Variants in SYMPK observed in about 807,000 individuals in gnomAD.
The protein encoded by SYMPK is symplekin.
In SYMPK, 49 loss-of-function variants were observed where a neutral mutation model predicts 136.4. That is an observed-to-expected ratio of 0.36 (90% CI 0.29 to 0.46). The LOEUF (loss-of-function observed/expected upper bound fraction) is 0.46, where lower values mean the gene tolerates loss of function less well. SYMPK is among the 20% of genes least tolerant of loss of function. The probability of loss-of-function intolerance (pLI) is 1.00; values close to 1 mark genes in which losing one functional copy is unlikely to be tolerated. For missense variants in SYMPK, 1,365 were observed against 1,690.0 expected (o/e 0.81, Z 3.37); for synonymous variants, 766 against 713.0 (o/e 1.07, Z -1.19).
At chr19:45,843,501 A>T (rs1316615492) in intron 8 of SYMPK, among the ~76,000 whole-genome samples, 1 of 152,134 alleles carries the variant, frequency 6.6e-6, no homozygotes, top group Non-Finnish European at 1.5e-5. Context: ...ACATCATGTC[A>T]TTTCACCCCC....
At chr19:45,839,969 A>G (rs1243695504) in intron 9 of SYMPK, among the ~76,000 whole-genome samples, 1 of 152,232 alleles carries the variant, frequency 6.6e-6, no homozygotes, top group East Asian at 1.9e-4. Flanking sequence ...TTGACACTAG[A>G]GAAAGCTGGT....
At chr19:45,831,154 T>C (rs1364240298) in intron 12 of SYMPK, 1 of 379,064 alleles carries the variant, frequency 2.6e-6, no homozygotes, top group Non-Finnish European at 4.6e-6. Flanking sequence ...ATCCTAATTT[T>C]AGACATAAAA....
Position 45,815,841 on chromosome 19 carries a change from C to T in SYMPK, c.3687+10G>A, listed in dbSNP as rs371699978. On this transcript the variant is annotated intron_variant, in intron 26 of 26. Coordinates refer to ENST00000245934, the MANE Select transcript of SYMPK (RefSeq NM_004819.3). ...GCTTCTTCCTTCGCAGCGGAGGCTG[C>T]TCTCCCTACCTTGGGTAGGGGGCCC... is the stretch of plus-strand genomic sequence containing the variant. The T allele has an allele frequency of 9.9e-5, 159 of 1,610,698 alleles. No homozygotes were observed. In the African/African-American group the frequency reaches 1.9e-3, roughly 19 times the overall value.
intron 26 of SYMPK, 68 bp downstream of exon 26, chr19:45,815,783 C>T: frequency 6.3e-7 from 1 of 1,587,950 alleles, no homozygotes; most frequent in Non-Finnish European, 8.6e-7. Context: ...CTGATGGCCC[C>T]TCCTCCCCCA....
In SYMPK at chr19:45,848,971, T is replaced by C. The variant is rs1348211252; in HGVS notation, c.300-95A>G. The C allele has an allele frequency of 2.0e-6, 3 of 1,470,862 alleles. No individual in the cohort carries two copies. The East Asian group carries it at 6.8e-5, about 33-fold the overall frequency. The allele number at this position is 1,470,862 out of a possible 1,614,324, so 91.1% of individuals were successfully genotyped here. ...CAGGAGGGAAGGGAAATCAGGGACC[T>C]GTCTCAGGGGACCGGAATGGCACAT... On this transcript the variant is annotated intron_variant, in intron 5 of 26. Coordinates refer to ENST00000245934, the MANE Select transcript of SYMPK (RefSeq NM_004819.3).
rs1052771163 is a variant in SYMPK, at chr19:45,848,799, A to G, written c.377T>C (p.Val126Ala). 1 of 1,613,992 alleles carries G rather than the reference A, an allele frequency of 6.2e-7. No individual in the cohort carries two copies. The highest frequency in any genetic ancestry group is 8.5e-7 in the Non-Finnish European group (1 of 1,180,036). ...GGTCATGGTGAGGATAGCCTTCTTC[A>G]CCACGTTCACATTCTCGTCCCTCAA... Reference protein sequence around the residue: ...MLLRDENVNVVKKAILTMTQL... With the variant: ...MLLRDENVNVAKKAILTMTQL... The change falls in exon 6 of 27, where the codon GTG becomes GCG. Residue 126 changes from valine (V) to alanine (A), a missense_variant. Val to Ala is a moderately conservative substitution (Grantham distance 64). Around this residue, in one of 11 missense-constraint regions of SYMPK, gnomAD observed 237 missense variants for 292.9 expected, o/e 0.81. Transcript: ENST00000245934.
chr19:45,840,381 T>G (rs1005543044), intron 9 of SYMPK, among the ~76,000 whole-genome samples: 1 of 147,424 alleles, frequency 6.8e-6, no homozygotes, highest in Non-Finnish European at 1.5e-5. Flanking sequence ...ATACAAACCC[T>G]GGCCAGGTGC....
At chr19:45,850,026 C>T (rs1179847276) in intron 5 of SYMPK, among the ~76,000 whole-genome samples, 1 of 152,028 alleles carries the variant, frequency 6.6e-6, no homozygotes, top group Middle Eastern at 3.4e-3. Flanking sequence ...GCCTGGGCAA[C>T]AAGAGCGAAA....
intron 9 of SYMPK, among the ~76,000 whole-genome samples, chr19:45,841,344 G>T (rs1971431598): frequency 6.6e-6 from 1 of 150,442 alleles, no homozygotes. Context: ...CCAGACTGGA[G>T]TGCAATGGCA....
chr19:45,829,215 G>A lies in SYMPK; in HGVS notation c.1750-10C>T, dbSNP rs746256332. ...GGATCTTTATGCGGACCTGGTGGGA[G>A]GGTGAGCCAGCATGTCAGTGTAGGG... On this transcript the variant is annotated splice_polypyrimidine_tract_variant and intron_variant, in intron 13 of 26. Transcript: ENST00000245934. 27 of 1,610,164 alleles carry A rather than the reference G, an allele frequency of 1.7e-5. No individual in the cohort carries two copies. In the East Asian group the frequency reaches 1.8e-4, roughly 11 times the overall value.
intron 9 of SYMPK, among the ~76,000 whole-genome samples, chr19:45,840,158 C>T (rs1215452062): frequency 1.3e-5 from 2 of 149,620 alleles, no homozygotes; most frequent in African/African-American, 4.9e-5. Context: ...ACTAAAAATG[C>T]AAAAAAATTG....
intron 3 of SYMPK, among the ~76,000 whole-genome samples, chr19:45,853,757 C>G (rs1049324157): frequency 6.6e-6 from 1 of 151,938 alleles, no homozygotes; most frequent in East Asian, 1.9e-4. Context: ...CCAGAGCCCC[C>G]CTGGGCTCCC....
Position 45,816,154 on chromosome 19 carries a change from C to T in SYMPK, c.3384G>A (p.Pro1128=), listed in dbSNP as rs563199567. 6 of 1,546,718 alleles carry T rather than the reference C, an allele frequency of 3.9e-6. No homozygotes were observed. The Admixed American group carries it at 9.7e-5, about 25-fold the overall frequency. The change falls in exon 26 of 27, where the codon CCG becomes CCA. Residue 1128 remains proline, a synonymous_variant. Coordinates refer to ENST00000245934, the MANE Select transcript of SYMPK (RefSeq NM_004819.3). ...CCTGAGGGGGCCGGGGTGCTGGGGC[C>T]GGGGCCAAGGTCAGGGGCTCCAGAT... ...EDDLEPLTLA[P]APAPRPPQDL... is the part of the protein sequence containing the mutation.
At chr19:45,840,301 C>T (rs143177479) in intron 9 of SYMPK, among the ~76,000 whole-genome samples, 18,277 of 115,816 alleles carry the variant, frequency 0.16, 1,359 homozygotes, top group Middle Eastern at 0.25. Flanking sequence ...GGTGACAGAG[C>T]GAGACTGTCT....
At position 45,844,057 on chromosome 19, in the gene SYMPK, C is replaced by T; in HGVS notation, c.820G>A (p.Val274Met). The change falls in exon 8 of 27, where the codon GTG becomes ATG. Residue 274 changes from valine (V) to methionine (M), a missense_variant. Physicochemically the swap from Val to Met is conservative, Grantham distance 21 (BLOSUM62 1). Around this residue, in one of 11 missense-constraint regions of SYMPK, gnomAD observed 237 missense variants for 292.9 expected, o/e 0.81. Transcript: ENST00000245934. ...ARQRPMFMSE[V>M]IQAYETLHAN... is the part of the protein sequence containing the mutation. Reference sequence around the variant, plus strand: ...TGCAGAGTTTCATAGGCCTGGATCACCTCAGACATGAACATGGGTCTCTGG... The same window carrying T: ...TGCAGAGTTTCATAGGCCTGGATCATCTCAGACATGAACATGGGTCTCTGG... 6.2e-7 allele frequency: 1 copy of T among 1,604,918 alleles called. No individual in the cohort carries two copies. The highest frequency in any genetic ancestry group is 8.5e-7 in the Non-Finnish European group (1 of 1,175,446).
In SYMPK at chr19:45,847,786, G is replaced by C. The variant is rs1164542033; in HGVS notation, c.642C>G (p.Asp214Glu). ...TGTAGGGGTGGTCACGAGGGATGCGGTCCAGGCTGATATCATGCTCCTGGC... is the reference window on the plus strand; with the variant it reads ...TGTAGGGGTGGTCACGAGGGATGCGCTCCAGGCTGATATCATGCTCCTGGC... ...PRRQEHDISL[D>E]RIPRDHPYIQ... The change falls in exon 7 of 27, where the codon GAC becomes GAG. Residue 214 changes from aspartate (D) to glutamate (E), a missense_variant. This residue lies in a region of SYMPK where 237 missense variants were observed against 292.9 expected (regional missense o/e 0.81). Coordinates refer to ENST00000245934, the MANE Select transcript of SYMPK (RefSeq NM_004819.3). The C allele has an allele frequency of 1.2e-6, 2 of 1,613,938 alleles. No individual in the cohort carries two copies. Among genetic ancestry groups the C allele is most frequent in the East Asian group, 4.5e-5 (2 of 44,894 alleles).
In SYMPK at chr19:45,815,912, T is replaced by A. The variant is rs149315096; in HGVS notation, c.3626A>T (p.Asp1209Val). ...CGCGGCCTCGGTCAGCCCCGAGTCG[T>A]CATCCATGCTGATGAAGATGCCCGG... ...ETPGIFISMDDDSGLTEAALL... is the reference protein window; with the variant it reads ...ETPGIFISMDVDSGLTEAALL... Residue 1209 changes from aspartate (D) to valine (V), a missense_variant, in exon 26 of 27, where the codon GAC becomes GTC. Coordinates refer to ENST00000245934, the MANE Select transcript of SYMPK (RefSeq NM_004819.3). The A allele has an allele frequency of 1.2e-6, 2 of 1,612,204 alleles. No homozygotes were observed. Among genetic ancestry groups the A allele is most frequent in the Non-Finnish European group, 1.7e-6 (2 of 1,179,848 alleles).
intron 16 of SYMPK, among the ~76,000 whole-genome samples, chr19:45,827,197 G>A (rs1329121325): frequency 6.6e-6 from 1 of 152,220 alleles, no homozygotes; most frequent in African/African-American, 2.4e-5. Context: ...GGCTGCACGA[G>A]GAGCCTGTGC....
At chr19:45,816,613 C>G in intron 24 of SYMPK, 36 bp from the exon 25 acceptor site, 1 of 1,611,996 alleles carries the variant, frequency 6.2e-7, no homozygotes, top group African/African-American at 1.3e-5. Context: ...CTGGGGGCAG[C>G]TCTGGCACAG....
Sources: allele counts gnomAD v4.1 joint callset (sites outside exome capture counted in the v4.1 genomes callset), GRCh38; gene constraint gnomAD v4.1.1; regional missense constraint gnomAD v4.1.1; transcripts MANE v1.5; gene names NCBI Gene and HGNC (gene_info 2026-07-23, HGNC 2026-07-21).